Variants in BCL9 observed in about 807,000 individuals in gnomAD.
BCL9 encodes BCL9 transcription coactivator, also known as B-cell CLL/lymphoma 9 protein.
Under a neutral mutation model 88.5 loss-of-function variants are expected in BCL9, and 25 were observed. That is an observed-to-expected ratio of 0.28 (90% CI 0.21 to 0.39). The LOEUF (loss-of-function observed/expected upper bound fraction) is 0.39. Ranked by LOEUF, BCL9 falls within the 10% of genes least tolerant of loss-of-function variation. BCL9 has a pLI of 1.00. For synonymous variants in BCL9, 711 were observed against 673.3 expected (o/e 1.06, Z -0.87); for missense variants, 1,817 against 1,877.8 (o/e 0.97, Z 0.60).
chr1:147,613,080 G>A lies in BCL9; in HGVS notation c.251G>A (p.Gly84Glu). 7 of 1,614,060 alleles carry A rather than the reference G, an allele frequency of 4.3e-6. No homozygotes were observed. Among genetic ancestry groups the A allele is most frequent in the Non-Finnish European group, 5.9e-6 (7 of 1,179,934 alleles). The change falls in exon 5 of 10, where the codon GGG becomes GAG. Residue 84 changes from glycine (G) to glutamate (E), a missense_variant. By Grantham distance (98) the Gly-to-Glu change is moderately conservative. Around this residue, in one of 2 missense-constraint regions of BCL9, gnomAD observed 1,228 missense variants for 1,191.6 expected, o/e 1.03. Transcript: ENST00000234739. ...CTCCCTGGCCCAGGTGGGAGCATGGGGCTGAAGAATGGGGCTGGAAATGGT... is the reference window on the plus strand; with the variant it reads ...CTCCCTGGCCCAGGTGGGAGCATGGAGCTGAAGAATGGGGCTGGAAATGGT... ...KALPGPGGSM[G>E]LKNGAGNGAK...
intron 1 of BCL9, among the ~76,000 whole-genome samples, chr1:147,546,139 A>G (rs1412405209): frequency 2.0e-5 from 3 of 152,226 alleles, no homozygotes; most frequent in Non-Finnish European, 4.4e-5. Context: ...GATCGAGACC[A>G]TCCTGGCTAA....
chr1:147,583,584 G>T (rs782143416), intron 1 of BCL9, among the ~76,000 whole-genome samples: 1 of 151,894 alleles, frequency 6.6e-6, no homozygotes, highest in Non-Finnish European at 1.5e-5. Flanking sequence ...AGCCTAGATC[G>T]TTTGCCTTTT....
chr1:147,544,032 T>C (rs1216569599), intron 1 of BCL9, among the ~76,000 whole-genome samples: 2 of 152,206 alleles, frequency 1.3e-5, no homozygotes, highest in Non-Finnish European at 2.9e-5. Flanking sequence ...ATTTGTTCAT[T>C]CAACTTATAT....
chr1:147,582,879 C>T (rs2101553332), intron 1 of BCL9, among the ~76,000 whole-genome samples: 1 of 152,278 alleles, frequency 6.6e-6, no homozygotes, highest in Admixed American at 6.5e-5. Context: ...AGTATGTAAT[C>T]CTACAAGCTG....
Position 147,561,442 on chromosome 1 carries a change from T to C in BCL9, c.-478+19768T>C, listed in dbSNP as rs116013072. On this transcript the variant is annotated intron_variant, in intron 1 of 9. Transcript: ENST00000234739. ...TATTTCCAGGCTTATTTGTGTTTCC[T>C]AGGGGCCCTTCAATGCCATTGTGAA... 3.6e-3 allele frequency among the ~76,000 whole-genome samples: 543 copies of C among 152,286 alleles called. 3 individuals carry two copies. The highest frequency in any genetic ancestry group is 0.012 in the African/African-American group (502 of 41,564).
intron 1 of BCL9, among the ~76,000 whole-genome samples, chr1:147,594,254 T>C (rs1656957909): frequency 6.6e-6 from 1 of 152,198 alleles, no homozygotes; most frequent in African/African-American, 2.4e-5. Flanking sequence ...GGAATATCTA[T>C]TGCAACGGTC....
At chr1:147,559,438 G>A (rs1308184344) in intron 1 of BCL9, among the ~76,000 whole-genome samples, 1 of 152,018 alleles carries the variant, frequency 6.6e-6, no homozygotes, top group Non-Finnish European at 1.5e-5. Flanking sequence ...CATTTAAACT[G>A]CAAAATTTCA....
At chr1:147,550,401 A>C (rs1265283035) in intron 1 of BCL9, among the ~76,000 whole-genome samples, 1 of 152,202 alleles carries the variant, frequency 6.6e-6, no homozygotes, top group Non-Finnish European at 1.5e-5. Context: ...TAAAATTTTC[A>C]TGGGTGACAA....
chr1:147,559,322 G>T (rs1366742855), intron 1 of BCL9, among the ~76,000 whole-genome samples: 6 of 152,134 alleles, frequency 3.9e-5, no homozygotes, highest in African/African-American at 1.4e-4. Flanking sequence ...GAGGTCATAA[G>T]AAATCTTTTC....
chr1:147,619,534 A>G lies in BCL9; in HGVS notation c.1379A>G (p.Asp460Gly). 2 of 1,614,096 alleles carry G rather than the reference A, an allele frequency of 1.2e-6. No homozygotes were observed. Among genetic ancestry groups the G allele is most frequent in the Non-Finnish European group, 1.7e-6 (2 of 1,180,020 alleles). The change falls in exon 8 of 10, where the codon GAC becomes GGC. Residue 460 changes from aspartate (D) to glycine (G), a missense_variant. Asp to Gly is a moderately conservative substitution (Grantham distance 94). Transcript: ENST00000234739. This position sits in a 1 kb window ranked among gnomAD's most constrained non-coding sequence, Gnocchi z 4.1. Reference protein sequence around the residue: ...MNSQSGTIGPDHLDHMTPEQI... With the variant: ...MNSQSGTIGPGHLDHMTPEQI... ...TCCCAGTCTGGGACCATAGGACCCG[A>G]CCACCTTGACCATATGACTCCCGAG...
At chr1:147,595,737 G>A (rs764340986) in intron 1 of BCL9, among the ~76,000 whole-genome samples, 30 of 151,984 alleles carry the variant, frequency 2.0e-4, no homozygotes, top group Non-Finnish European at 3.7e-4. Flanking sequence ...AGGAAGAAAA[G>A]GAAAGTGGGA....
intron 1 of BCL9, among the ~76,000 whole-genome samples, chr1:147,584,921 G>T (rs1230316441): frequency 6.6e-6 from 1 of 152,106 alleles, no homozygotes; most frequent in Non-Finnish European, 1.5e-5. Context: ...TTGTAACCTC[G>T]GAGGTTGGAG....
chr1:147,622,553 T>C (rs1658700103), intron 9 of BCL9, 22 bp downstream of exon 9: 1 of 1,613,694 alleles, frequency 6.2e-7, no homozygotes, highest in African/African-American at 1.3e-5. Flanking sequence ...GAAAGGCAGG[T>C]TGTGGAGTGA....
At chr1:147,567,599 A>C (rs1258509917) in intron 1 of BCL9, among the ~76,000 whole-genome samples, 1 of 152,220 alleles carries the variant, frequency 6.6e-6, no homozygotes, top group Non-Finnish European at 1.5e-5. Context: ...TAATGGCACA[A>C]AATTCAATAT....
At chr1:147,603,541 G>T (rs892935495) in intron 1 of BCL9, among the ~76,000 whole-genome samples, 1 of 151,990 alleles carries the variant, frequency 6.6e-6, no homozygotes, top group African/African-American at 2.4e-5. Flanking sequence ...TTGCTCTGTT[G>T]CCCAGGCTGG....
chr1:147,560,047 C>T (rs2101496303), intron 1 of BCL9, among the ~76,000 whole-genome samples: 1 of 152,272 alleles, frequency 6.6e-6, no homozygotes, highest in South Asian at 2.1e-4. Context: ...AGAGTAAGTA[C>T]AGACTGTTGT....
rs782267474 is a variant in BCL9 at position 147,613,104 on chromosome 1, G to T, written c.275G>T (p.Gly92Val). The change falls in exon 5 of 10, where the codon GGT becomes GTT. Residue 92 changes from glycine to valine, a missense_variant. Transcript: ENST00000234739. ...SMGLKNGAGNGAKGKGKRERS... is the reference protein window; with the variant it reads ...SMGLKNGAGNVAKGKGKRERS... ...GGGCTGAAGAATGGGGCTGGAAATG[G>T]TGCCAAGGGCAAGGGGAAAAGGGAG... 1.9e-6 allele frequency: 3 copies of T among 1,614,204 alleles called. No individual in the cohort carries two copies. The South Asian group carries it at 3.3e-5, about 18-fold the overall frequency.
chr1:147,622,061 G>A (rs1553205478), intron 8 of BCL9, among the ~76,000 whole-genome samples: 2 of 152,142 alleles, frequency 1.3e-5, no homozygotes, highest in East Asian at 3.9e-4. Context: ...TCTGCTGATC[G>A]GTCATGTCAC....
At chr1:147,615,716 G>A in intron 6 of BCL9, 87 bp from the exon 7 acceptor site, 1 of 1,027,448 alleles carries the variant, frequency 9.7e-7, no homozygotes, top group Admixed American at 2.1e-5. Flanking sequence ...TCCCTTACAA[G>A]TTTATTGTGT....
Sources: gnomAD v4.1 joint callset for allele counts (sites outside exome capture counted in the v4.1 genomes callset) on GRCh38, gnomAD v4.1.1 for gene constraint, gnomAD v4.1.1 regional missense constraint, Gnocchi (gnomAD v3.1) non-coding constraint, MANE v1.5 for transcripts, NCBI Gene and HGNC (gene_info 2026-07-23, HGNC 2026-07-21) for gene names.